The following PROB1 variants were observed in gnomAD, a reference collection of about 807,000 sequenced individuals.
PROB1 encodes the protein proline rich basic protein 1, also known as proline-rich basic protein 1.
For missense variants in PROB1, 1,453 were observed against 1,485.7 expected (o/e 0.98, Z 0.36); for synonymous variants, 660 against 699.3 (o/e 0.94, Z 0.89).
In PROB1 at chr5:139,394,199, C is replaced by G. The variant is rs1371821276; in HGVS notation, c.883G>C (p.Ala295Pro). Residue 295 changes from alanine to proline, a missense_variant, in exon 1 of 1, where the codon GCT becomes CCT. Ala to Pro is a conservative substitution (Grantham distance 27). Transcript: ENST00000434752. ...CGTACGCGAAGTGGCCGAGACTTAGCCTTCTCCAGGACCACGTGGGTGCTG... is the reference window on the plus strand; with the variant it reads ...CGTACGCGAAGTGGCCGAGACTTAGGCTTCTCCAGGACCACGTGGGTGCTG... ...ARSTHVVLEKAKSRPLRVRDN... is the reference protein window; with the variant it reads ...ARSTHVVLEKPKSRPLRVRDN... 1.3e-6 allele frequency: 2 copies of G among 1,548,428 alleles called. No individual in the cohort carries two copies. The highest frequency in any genetic ancestry group is 1.4e-5 in the African/African-American group (1 of 73,092).
At position 139,394,181 on chromosome 5, in the gene PROB1, G is replaced by C; in HGVS notation, c.901C>G (p.Arg301Gly). 1 of 1,546,688 alleles carries C rather than the reference G, an allele frequency of 6.5e-7. No individual in the cohort carries two copies. The highest frequency in any genetic ancestry group is 8.7e-7 in the Non-Finnish European group (1 of 1,144,248). The change falls in exon 1 of 1, where the codon CGC becomes GGC. Residue 301 changes from arginine (R) to glycine (G), a missense_variant. Transcript: ENST00000434752. ...VLEKAKSRPL[R>G]VRDNSAPAKA... is the part of the protein sequence containing the mutation. Reference sequence around the variant, plus strand: ...GCGGGGGCCGAATTATCTCGTACGCGAAGTGGCCGAGACTTAGCCTTCTCC... The same window carrying C: ...GCGGGGGCCGAATTATCTCGTACGCCAAGTGGCCGAGACTTAGCCTTCTCC...
chr5:139,394,605 C>G lies in PROB1; in HGVS notation c.477G>C (p.Gln159His), dbSNP rs1184207424. The change falls in exon 1 of 1, where the codon CAG (glutamine) becomes CAC (histidine). Residue 159 changes from glutamine (Q) to histidine (H), a missense_variant. Physicochemically the swap from Gln to His is conservative, Grantham distance 24. Coordinates refer to ENST00000434752, the MANE Select transcript of PROB1 (RefSeq NM_001161546.2). ...ASPAAVPRQS[Q>H]VPDGGSRWAT... ...CCCAGCGGGAGCCACCATCGGGGAC[C>G]TGGGACTGGCGTGGGACCGCGGCGG... 3 of 1,532,724 alleles carry G rather than the reference C, an allele frequency of 2.0e-6. No individual in the cohort carries two copies. The highest frequency in any genetic ancestry group is 2.6e-6 in the Non-Finnish European group (3 of 1,144,830). 94.9% of individuals were successfully genotyped at this position (1,532,724 alleles called of 1,614,324 possible).
Position 139,392,211 on chromosome 5 carries a change from G to A in PROB1, c.2871C>T (p.Gly957=). 7.0e-7 allele frequency: 1 copy of A among 1,433,524 alleles called. No individual in the cohort carries two copies. Among genetic ancestry groups the A allele is most frequent in the Non-Finnish European group, 9.2e-7 (1 of 1,087,122 alleles). The allele number at this position is 1,433,524 out of a possible 1,614,324, so 88.8% of individuals were successfully genotyped here. A position where few individuals can be genotyped will look rare whatever the true frequency, so the allele number is the denominator to read the frequency against. ...IPSLSLPPSP[G]PQALGSPQLP... Reference sequence around the variant, plus strand: ...GCTGGGGGCTGCCGAGGGCCTGCGGGCCCGGGGACGGTGGCAGAGAGAGGC... The same window carrying A: ...GCTGGGGGCTGCCGAGGGCCTGCGGACCCGGGGACGGTGGCAGAGAGAGGC... Residue 957 remains glycine (G), a synonymous_variant, in exon 1 of 1, where the codon GGC becomes GGT. Transcript: ENST00000434752. This position sits in a 1 kb window ranked among gnomAD's most constrained non-coding sequence, Gnocchi z 5.8.
chr5:139,393,418 C>T lies in PROB1; in HGVS notation c.1664G>A (p.Gly555Asp). The T allele has an allele frequency of 6.4e-7, 1 of 1,551,646 alleles. No homozygotes were observed. The highest frequency in any genetic ancestry group is 8.7e-7 in the Non-Finnish European group (1 of 1,146,998). Residue 555 changes from glycine (G) to aspartate (D), a missense_variant, in exon 1 of 1, where the codon GGC becomes GAC. Transcript: ENST00000434752. ...ELAPPTPSAP[G>D]TPEPTEMQSP... ...CTGCATCTCTGTTGGTTCTGGAGTG[C>T]CGGGTGCGGACGGTGTAGGCGGTGC...
Position 139,393,670 on chromosome 5 carries a change from G to T in PROB1, c.1412C>A (p.Pro471Gln). The change falls in exon 1 of 1, where the codon CCG (proline) becomes CAG (glutamine). Residue 471 changes from proline to glutamine, a missense_variant. Physicochemically the swap from Pro to Gln is moderately conservative, Grantham distance 76. Transcript: ENST00000434752. Reference protein sequence around the residue: ...WNQCVAGERSPSLEAPSLWEI... With the variant: ...WNQCVAGERSQSLEAPSLWEI... Reference sequence around the variant, plus strand: ...CCACAGGGAAGGGGCTTCGAGGGACGGGCTCCTTTCCCCAGCAACACACTG... The same window carrying T: ...CCACAGGGAAGGGGCTTCGAGGGACTGGCTCCTTTCCCCAGCAACACACTG... 1 of 1,550,652 alleles carries T rather than the reference G, an allele frequency of 6.4e-7. No individual in the cohort carries two copies. Among genetic ancestry groups the T allele is most frequent in the Non-Finnish European group, 8.7e-7 (1 of 1,146,846 alleles).
Position 139,394,968 on chromosome 5 carries a change from T to C in PROB1, c.114A>G (p.Pro38=), listed in dbSNP as rs768183383. The change falls in exon 1 of 1, where the codon CCA becomes CCG. Residue 38 remains proline (P), a synonymous_variant. Transcript: ENST00000434752. The part of the protein sequence containing the change: ...SGSSGSYYTA[P]GSPEPPDVGP... Reference sequence around the variant, plus strand: ...CAACGTCCGGGGGCTCCGGAGAACCTGGAGCCGTGTAGTAGGAGCCTGACG... The same window carrying C: ...CAACGTCCGGGGGCTCCGGAGAACCCGGAGCCGTGTAGTAGGAGCCTGACG... 1 of 1,520,094 alleles carries C rather than the reference T, an allele frequency of 6.6e-7. No homozygotes were observed. The highest frequency in any genetic ancestry group is 8.8e-7 in the Non-Finnish European group (1 of 1,135,130). 94.2% of individuals were successfully genotyped at this position (1,520,094 alleles called of 1,614,324 possible). A position where few individuals can be genotyped will look rare whatever the true frequency, so the allele number is the denominator to read the frequency against.
In PROB1 at chr5:139,392,048, A is replaced by G; in HGVS notation, c.3034T>C (p.Leu1012=). The G allele has an allele frequency of 7.1e-7, 1 of 1,404,276 alleles. No individual in the cohort carries two copies. Among genetic ancestry groups the G allele is most frequent in the Non-Finnish European group, 9.3e-7 (1 of 1,076,506 alleles). 87.0% of individuals were successfully genotyped at this position (1,404,276 alleles called of 1,614,324 possible). Residue 1012 remains leucine, a synonymous_variant, in exon 1 of 1, where the codon TTG becomes CTG. Transcript: ENST00000434752. This position sits in a 1 kb window ranked among gnomAD's most constrained non-coding sequence, Gnocchi z 5.8. ...GGCCCGGGGCCTCACAGCGGGAACA[A>G]TGAACCCTTGCCGGGCTGGGTGGGA... is the stretch of plus-strand genomic sequence containing the variant. The part of the protein sequence containing the change: ...SGPTQPGKGS[L]FPL
Position 139,393,800 on chromosome 5 carries a change from G to A in PROB1, c.1282C>T (p.Pro428Ser). 1 of 1,551,318 alleles carries A rather than the reference G, an allele frequency of 6.4e-7. No individual in the cohort carries two copies. The change falls in exon 1 of 1, where the codon CCA (proline) becomes TCA (serine). Residue 428 changes from proline (P) to serine (S), a missense_variant. By Grantham distance (74) the Pro-to-Ser change is moderately conservative. Transcript: ENST00000434752. ...WDRTTRRVSS[P>S]LFPEASSEWE... The stretch of plus-strand genomic sequence containing the variant: ...TCGGAGGAGGCTTCAGGGAACAATG[G>A]GCTACTCACCCTCCGAGTAGTCCGA...
rs1373670539 is a variant in PROB1 at position 139,394,756 on chromosome 5, C to A, written c.326G>T (p.Gly109Val). 1.3e-6 allele frequency: 2 copies of A among 1,532,856 alleles called. No individual in the cohort carries two copies. The highest frequency in any genetic ancestry group is 1.8e-6 in the Non-Finnish European group (2 of 1,142,304). The allele number at this position is 1,532,856 out of a possible 1,614,324, so 95.0% of individuals were successfully genotyped here. Residue 109 changes from glycine to valine, a missense_variant, in exon 1 of 1, where the codon GGG becomes GTG. By Grantham distance (109) the Gly-to-Val change is moderately radical. Coordinates refer to ENST00000434752, the MANE Select transcript of PROB1 (RefSeq NM_001161546.2). ...GACGCCGAAGATGACTTCCATCTCCCCCGACGGCAGCGTGCGCAGCTGGGG... is the reference window on the plus strand; with the variant it reads ...GACGCCGAAGATGACTTCCATCTCCACCGACGGCAGCGTGCGCAGCTGGGG... ...PQPQLRTLPS[G>V]EMEVIFGVGP...
rs753756248 is a variant in PROB1, at chr5:139,393,974, C to A, written c.1108G>T (p.Ala370Ser). ...REAPDRTVQR[A>S]RSPPFECRIP... Reference sequence around the variant, plus strand: ...CTACACTCAAAAGGCGGACTCCGTGCCCTCTGAACAGTTCGATCCGGCGCC... The same window carrying A: ...CTACACTCAAAAGGCGGACTCCGTGACCTCTGAACAGTTCGATCCGGCGCC... The change falls in exon 1 of 1, where the codon GCA becomes TCA. Residue 370 changes from alanine (A) to serine (S), a missense_variant. By Grantham distance (99) the Ala-to-Ser change is moderately conservative (BLOSUM62 1). Coordinates refer to ENST00000434752, the MANE Select transcript of PROB1 (RefSeq NM_001161546.2). The A allele has an allele frequency of 1.3e-6, 2 of 1,550,626 alleles. No individual in the cohort carries two copies. Among genetic ancestry groups the A allele is most frequent in the South Asian group, 1.2e-5 (1 of 84,068 alleles).
In PROB1 at chr5:139,392,113, G is replaced by A. The variant is rs1337650962; in HGVS notation, c.2969C>T (p.Ala990Val). Residue 990 changes from alanine (A) to valine (V), a missense_variant, in exon 1 of 1, where the codon GCA (alanine) becomes GTA (valine). Transcript: ENST00000434752. The surrounding 1 kb of genome is among the most constrained non-coding windows in gnomAD (Gnocchi z 5.8). ...CGGCGCACAGAGGAGCAGAGGAGGTGCGGGGTTGGGGGTCCCGCTCACCGG... is the reference window on the plus strand; with the variant it reads ...CGGCGCACAGAGGAGCAGAGGAGGTACGGGGTTGGGGGTCCCGCTCACCGG... ...YLPVSGTPNP[A>V]PPLLLCAPPS... is the part of the protein sequence containing the mutation. The A allele has an allele frequency of 4.2e-6, 6 of 1,416,966 alleles. No homozygotes were observed. Among genetic ancestry groups the A allele is most frequent in the Non-Finnish European group, 5.5e-6 (6 of 1,082,584 alleles). The allele number at this position is 1,416,966 out of a possible 1,614,324, so 87.8% of individuals were successfully genotyped here. A position where few individuals can be genotyped will look rare whatever the true frequency, so the allele number is the denominator to read the frequency against.
Position 139,394,662 on chromosome 5 carries a change from G to A in PROB1, c.420C>T (p.Phe140=), listed in dbSNP as rs1358002504. 1.5e-5 allele frequency: 23 copies of A among 1,534,966 alleles called. No homozygotes were observed. The highest frequency in any genetic ancestry group is 1.8e-5 in the Non-Finnish European group (21 of 1,145,592). Reference sequence around the variant, plus strand: ...CTGGCCCCGGCGGCAAGGGGCTGATGAAGGCCGGCTCCGTGAACTGTTGTT... The same window carrying A: ...CTGGCCCCGGCGGCAAGGGGCTGATAAAGGCCGGCTCCGTGAACTGTTGTT... The part of the protein sequence containing the change: ...EAQQQFTEPA[F]ISPLPPGPAS... The change falls in exon 1 of 1, where the codon TTC becomes TTT. Residue 140 remains phenylalanine (F), a synonymous_variant. Coordinates refer to ENST00000434752, the MANE Select transcript of PROB1 (RefSeq NM_001161546.2).
rs750802687 is a variant in PROB1, at chr5:139,392,390, G to T, written c.2692C>A (p.Arg898=). The part of the protein sequence containing the change: ...SGRYYFVEAP[R]QPRLRVLFDP... ...AAGAGCACCCGCAGCCGAGGCTGCC[G>T]CGGCGCCTCCACAAAGTAGTAGCGG... Residue 898 remains arginine (R), a synonymous_variant, in exon 1 of 1, where the codon CGG becomes AGG. Transcript: ENST00000434752. This position sits in a 1 kb window ranked among gnomAD's most constrained non-coding sequence, Gnocchi z 5.8. 2.0e-6 allele frequency: 3 copies of T among 1,520,084 alleles called. No homozygotes were observed. Among genetic ancestry groups the T allele is most frequent in the South Asian group, 2.5e-5 (2 of 81,548 alleles). 94.2% of individuals were successfully genotyped at this position (1,520,084 alleles called of 1,614,324 possible). A position where few individuals can be genotyped will look rare whatever the true frequency, so the allele number is the denominator to read the frequency against.
chr5:139,394,505 G>C lies in PROB1; in HGVS notation c.577C>G (p.Leu193Val). ...CTGGCGGGCGCGGCGCCCTCCTCCAGAGCCACCTCCACACACTCGAACTGC... is the reference window on the plus strand; with the variant it reads ...CTGGCGGGCGCGGCGCCCTCCTCCACAGCCACCTCCACACACTCGAACTGC... Reference protein sequence around the residue: ...PAQFECVEVALEEGAAPARPR... With the variant: ...PAQFECVEVAVEEGAAPARPR... Residue 193 changes from leucine to valine, a missense_variant, in exon 1 of 1, where the codon CTG becomes GTG. Coordinates refer to ENST00000434752, the MANE Select transcript of PROB1 (RefSeq NM_001161546.2). 7.0e-7 allele frequency: 1 copy of C among 1,433,234 alleles called. No homozygotes were observed. Among genetic ancestry groups the C allele is most frequent in the Non-Finnish European group, 9.1e-7 (1 of 1,101,732 alleles). 88.8% of individuals were successfully genotyped at this position (1,433,234 alleles called of 1,614,324 possible). A position where few individuals can be genotyped will look rare whatever the true frequency, so the allele number is the denominator to read the frequency against.
In PROB1 at chr5:139,392,274, C is replaced by A; in HGVS notation, c.2808G>T (p.Gly936=). ...CATAGGCGGGCGGGTAGAGGCCGAG[C>A]CCCAGGGCCAGAGGGGTGTAGACGC... is the stretch of plus-strand genomic sequence containing the variant. ...PHRVYTPLAL[G]LGLYPPAYGP... The change falls in exon 1 of 1, where the codon GGG becomes GGT. Residue 936 remains glycine (G), a synonymous_variant. Coordinates refer to ENST00000434752, the MANE Select transcript of PROB1 (RefSeq NM_001161546.2). The surrounding 1 kb of genome is among the most constrained non-coding windows in gnomAD (Gnocchi z 5.8). The A allele has an allele frequency of 6.6e-7, 1 of 1,508,612 alleles. No homozygotes were observed. Among genetic ancestry groups the A allele is most frequent in the Non-Finnish European group, 8.9e-7 (1 of 1,126,120 alleles). The allele number at this position is 1,508,612 out of a possible 1,614,324, so 93.5% of individuals were successfully genotyped here. A position where few individuals can be genotyped will look rare whatever the true frequency, so the allele number is the denominator to read the frequency against.
rs1267371056 is a variant in PROB1 at position 139,394,948 on chromosome 5, T to C, written c.134A>G (p.Asp45Gly). The change falls in exon 1 of 1, where the codon GAC becomes GGC. Residue 45 changes from aspartate to glycine, a missense_variant. Transcript: ENST00000434752. Reference sequence around the variant, plus strand: ...TGGGCCTTTCGCGTCCGGCCCAACGTCCGGGGGCTCCGGAGAACCTGGAGC... The same window carrying C: ...TGGGCCTTTCGCGTCCGGCCCAACGCCCGGGGGCTCCGGAGAACCTGGAGC... The part of the protein sequence containing the change: ...YTAPGSPEPP[D>G]VGPDAKGPAN... The C allele has an allele frequency of 1.8e-5, 28 of 1,520,722 alleles. No individual in the cohort carries two copies. The highest frequency in any genetic ancestry group is 2.5e-5 in the Non-Finnish European group (28 of 1,135,598). The allele number at this position is 1,520,722 out of a possible 1,614,324, so 94.2% of individuals were successfully genotyped here. A position where few individuals can be genotyped will look rare whatever the true frequency, so the allele number is the denominator to read the frequency against.
rs1257728657 is a variant in PROB1 at position 139,393,968 on chromosome 5, T to A, written c.1114A>T (p.Ser372Cys). 2 of 1,550,664 alleles carry A rather than the reference T, an allele frequency of 1.3e-6. No homozygotes were observed. The highest frequency in any genetic ancestry group is 3.9e-5 in the Admixed American group (2 of 51,012). The change falls in exon 1 of 1, where the codon AGT (serine) becomes TGT (cysteine). Residue 372 changes from serine (S) to cysteine (C), a missense_variant. By Grantham distance (112) the Ser-to-Cys change is moderately radical. Coordinates refer to ENST00000434752, the MANE Select transcript of PROB1 (RefSeq NM_001161546.2). The stretch of plus-strand genomic sequence containing the variant: ...GGGATCCTACACTCAAAAGGCGGAC[T>A]CCGTGCCCTCTGAACAGTTCGATCC... ...APDRTVQRARSPPFECRIPSE... is the reference protein window; with the variant it reads ...APDRTVQRARCPPFECRIPSE...
Position 139,391,931 on chromosome 5 carries a change from G to A in PROB1, c.*103C>T. 1.1e-6 allele frequency: 1 copy of A among 934,854 alleles called. No individual in the cohort carries two copies. The highest frequency in any genetic ancestry group is 1.4e-6 in the Non-Finnish European group (1 of 703,092). 57.9% of individuals were successfully genotyped at this position (934,854 alleles called of 1,614,324 possible). A position where few individuals can be genotyped will look rare whatever the true frequency, so the allele number is the denominator to read the frequency against. Reference sequence around the variant, plus strand: ...TCCTGTCCGACGACTGACTGGGATGGGTTAAAGACAGAGGCGACGGAAGGA... The same window carrying A: ...TCCTGTCCGACGACTGACTGGGATGAGTTAAAGACAGAGGCGACGGAAGGA... On this transcript the variant is annotated 3_prime_UTR_variant, in exon 1 of 1. Transcript: ENST00000434752. This position sits in a 1 kb window ranked among gnomAD's most constrained non-coding sequence, Gnocchi z 4.8.
rs1422806896 is a variant in PROB1 at position 139,394,701 on chromosome 5, G to T, written c.381C>A (p.Asp127Glu). The change falls in exon 1 of 1, where the codon GAC becomes GAA. Residue 127 changes from aspartate to glutamate, a missense_variant. Coordinates refer to ENST00000434752, the MANE Select transcript of PROB1 (RefSeq NM_001161546.2). ...TGAACTGTTGTTGCGCCTCGCGATC[G>T]TCTGCGCCGGAGCAGCCGAACAGGG... ...VGPLFGCSGA[D>E]DREAQQQFTE... is the part of the protein sequence containing the mutation. 6.5e-7 allele frequency: 1 copy of T among 1,533,568 alleles called. No individual in the cohort carries two copies. The highest frequency in any genetic ancestry group is 1.4e-5 in the African/African-American group (1 of 71,880). The allele number at this position is 1,533,568 out of a possible 1,614,324, so 95.0% of individuals were successfully genotyped here. A position where few individuals can be genotyped will look rare whatever the true frequency, so the allele number is the denominator to read the frequency against.
Sources: gnomAD v4.1 joint callset for allele counts on GRCh38, gnomAD v4.1.1 for gene constraint, Gnocchi (gnomAD v3.1) non-coding constraint, MANE v1.5 for transcripts, NCBI Gene and HGNC (gene_info 2026-07-23, HGNC 2026-07-21) for gene names.